The following TP63 variants were observed in gnomAD, a reference collection of about 807,000 sequenced individuals.
TP63 encodes the protein tumor protein p63.
TP63 carries 17 observed loss-of-function variants against 82.8 expected under a neutral mutation model. That is an observed-to-expected ratio of 0.21 (90% CI 0.14 to 0.31). TP63 has a LOEUF of 0.31. TP63 is among the 10% of genes least tolerant of loss of function. The pLI, the probability that TP63 is intolerant of heterozygous loss-of-function variation, is 1.00. For missense variants in TP63, 648 were observed against 895.3 expected (o/e 0.72, Z 3.52); for synonymous variants, 330 against 321.7 (o/e 1.03, Z -0.28).
At chr3:189,894,165 C>T (rs1349221654) in intron 13 of TP63, 41 bp from the exon 14 acceptor site, 1 of 1,613,256 alleles carries the variant, frequency 6.2e-7, no homozygotes, top group African/African-American at 1.3e-5. Flanking sequence ...CCGTTTTTCT[C>T]CCTGTTTTCA....
chr3:189,675,224 C>T (rs1290644880), intron 1 of TP63, among the ~76,000 whole-genome samples: 1 of 152,038 alleles, frequency 6.6e-6, no homozygotes, highest in Non-Finnish European at 1.5e-5. Flanking sequence ...TCATTCATAA[C>T]TCAGTCATCT....
intron 1 of TP63, among the ~76,000 whole-genome samples, chr3:189,714,597 T>A (rs1577289780): frequency 6.6e-6 from 1 of 152,290 alleles, no homozygotes; most frequent in South Asian, 2.1e-4. Context: ...TTCAAGACTG[T>A]ATCTCTCACT....
rs1412706420 is a variant in TP63, at chr3:189,894,804, A to G, written c.*302A>G. Reference sequence around the variant, plus strand: ...AGAGATTTCTCATTGACTTTTATAAAGCATGTTCACCCTTATAGTCTAAGA... The same window carrying G: ...AGAGATTTCTCATTGACTTTTATAAGGCATGTTCACCCTTATAGTCTAAGA... On this transcript the variant is annotated 3_prime_UTR_variant, in exon 14 of 14. Coordinates refer to ENST00000264731, the MANE Select transcript of TP63 (RefSeq NM_003722.5). 2.3e-6 allele frequency: 1 copy of G among 427,544 alleles called. No homozygotes were observed. The highest frequency in any genetic ancestry group is 4.3e-6 in the Non-Finnish European group (1 of 232,728). 26.5% of individuals were successfully genotyped at this position (427,544 alleles called of 1,614,324 possible).
chr3:189,802,433 TG>T (rs1726413140), intron 3 of TP63, among the ~76,000 whole-genome samples: 1 of 152,216 alleles, frequency 6.6e-6, no homozygotes, highest in African/African-American at 2.4e-5. Flanking sequence ...AAAACTGTTT[TG>T]AATGTGGTCT....
intron 3 of TP63, among the ~76,000 whole-genome samples, chr3:189,746,994 A>G (rs1721428805): frequency 6.6e-6 from 1 of 151,856 alleles, no homozygotes; most frequent in South Asian, 2.1e-4. Flanking sequence ...AAGGGAAAAA[A>G]AAAAAGAAAC....
chr3:189,772,248 A>G (rs998765381), intron 3 of TP63, among the ~76,000 whole-genome samples: 1 of 152,200 alleles, frequency 6.6e-6, no homozygotes, highest in Non-Finnish European at 1.5e-5. Context: ...CACTGCTCAA[A>G]CTGGCTTTAG....
At chr3:189,672,246 T>G (rs1038483180) in intron 1 of TP63, among the ~76,000 whole-genome samples, 1 of 152,096 alleles carries the variant, frequency 6.6e-6, no homozygotes, top group Non-Finnish European at 1.5e-5. Context: ...AATTTACAGC[T>G]TTAAATATCC....
intron 3 of TP63, chr3:189,789,894 T>C (rs1299129172): frequency 1.3e-6 from 2 of 1,482,974 alleles, no homozygotes; most frequent in Non-Finnish European, 1.8e-6. Flanking sequence ...TTAATTTTTA[T>C]TTTTGTAAAA....
At chr3:189,875,618 A>ATATATATATATATACG (rs1719048140) in intron 10 of TP63, among the ~76,000 whole-genome samples, 1 of 118,456 alleles carries the variant, frequency 8.4e-6, no homozygotes, top group African/African-American at 3.2e-5. Context: ...ATATATATAT[A>ATATATATATATATACG]TATATATATA....
chr3:189,853,341 C>T (rs1350808310), intron 4 of TP63, among the ~76,000 whole-genome samples: 1 of 152,204 alleles, frequency 6.6e-6, no homozygotes, highest in Admixed American at 6.5e-5. Context: ...CTCTACAAGG[C>T]CTTGCGTGAT....
intron 1 of TP63, among the ~76,000 whole-genome samples, chr3:189,673,071 C>T (rs1233882589): frequency 6.6e-6 from 1 of 151,706 alleles, no homozygotes; most frequent in Admixed American, 6.6e-5. Context: ...GAACTCCTGA[C>T]TTCAGGTGAT....
At chr3:189,868,841 C>T (rs16864880) in intron 8 of TP63, 125 bp downstream of exon 8, 4 of 1,483,884 alleles carry the variant, frequency 2.7e-6, no homozygotes, top group Non-Finnish European at 3.8e-6. Context: ...GACGTCAGCC[C>T]TCAGAGCCAG....
At chr3:189,792,227 A>G (rs113092985) in intron 3 of TP63, among the ~76,000 whole-genome samples, 7,134 of 152,082 alleles carry the variant, frequency 0.047, 216 homozygotes, top group Admixed American at 0.077. Flanking sequence ...AGGAGAACAC[A>G]AGCAGGATAT....
At position 189,888,077 on chromosome 3, in the gene TP63, C is replaced by T. The variant is rs547383273; in HGVS notation, c.1508-1263C>T. On this transcript the variant is annotated intron_variant, in intron 11 of 13. Transcript: ENST00000264731. The stretch of plus-strand genomic sequence containing the variant: ...TTCACCATGTTGGCCAGACTGGTCG[C>T]GAACTCCTGACCTCAGGTGATCCAC... Among the ~76,000 whole-genome samples, 58 of 152,166 alleles carry T rather than the reference C, an allele frequency of 3.8e-4. No homozygotes were observed. The East Asian group carries it at 7.0e-3, about 18-fold the overall frequency.
At chr3:189,612,875 G>A in the TP63 span, among the ~76,000 whole-genome samples, 1 of 152,164 alleles carries the variant, frequency 6.6e-6, no homozygotes, top group African/African-American at 2.4e-5. Flanking sequence ...CTAGACATCT[G>A]GGGAACTTTG....
chr3:189,724,159 T>C (rs1719603086), intron 1 of TP63, among the ~76,000 whole-genome samples: 2 of 152,114 alleles, frequency 1.3e-5, no homozygotes, highest in African/African-American at 4.8e-5. Flanking sequence ...AATTAAGCCA[T>C]TCATCCATTC....
rs181834979 is a variant in TP63, at chr3:189,869,930, T to G, written c.1212+524T>G. On this transcript the variant is annotated intron_variant, in intron 9 of 13. Coordinates refer to ENST00000264731, the MANE Select transcript of TP63 (RefSeq NM_003722.5). ...ATACAAAGGAGAGAAAATATGTGTT[T>G]TTTAAAATTAGAATATTATTCTTTC... is the stretch of plus-strand genomic sequence containing the variant. Among the ~76,000 whole-genome samples the G allele has an allele frequency of 4.4e-4, 67 of 152,244 alleles. No individual in the cohort carries two copies. In the East Asian group the frequency reaches 0.011, roughly 24 times the overall value.
intron 3 of TP63, among the ~76,000 whole-genome samples, chr3:189,807,303 T>C (rs1202047430): frequency 6.6e-6 from 1 of 152,204 alleles, no homozygotes; most frequent in Non-Finnish European, 1.5e-5. Context: ...CCCCAGTCAT[T>C]GTGTTAGCGG....
intron 4 of TP63, among the ~76,000 whole-genome samples, chr3:189,835,904 A>C (rs1315037333): frequency 1.4e-5 from 2 of 146,038 alleles, no homozygotes; most frequent in African/African-American, 5.1e-5. Flanking sequence ...ACAGTGCGAG[A>C]CTCCATCTCA....
Sources: allele counts gnomAD v4.1 joint callset (sites outside exome capture counted in the v4.1 genomes callset), GRCh38; gene constraint gnomAD v4.1.1; transcripts MANE v1.5; gene names NCBI Gene and HGNC (gene_info 2026-07-23, HGNC 2026-07-21).